The following THADA variants were observed in gnomAD, a reference collection of about 807,000 sequenced individuals.
THADA encodes the protein THADA armadillo repeat containing.
Under a neutral mutation model 219.8 loss-of-function variants are expected in THADA, and 213 were observed. The observed-to-expected ratio is 0.97, with a 90% CI of 0.87 to 1.09. The LOEUF is 1.09. THADA is among the 50% of genes least tolerant of loss of function. THADA has a pLI of 0.00. For missense variants in THADA, 2,956 were observed against 2,311.3 expected, an observed-to-expected ratio of 1.28 and a Z score of -5.72; for synonymous variants, 1,018 against 828.9, an observed-to-expected ratio of 1.23 and a Z score of -3.92.
chr2:43,446,477 A>G (rs1161617937), intron 26 of THADA, among the ~76,000 whole-genome samples: 1 of 152,214 alleles, frequency 6.6e-6, no homozygotes, highest in African/African-American at 2.4e-5. Flanking sequence ...TTTGGCCCCC[A>G]GTCATTTATG....
intron 29 of THADA, among the ~76,000 whole-genome samples, chr2:43,388,605 A>G (rs573767178): frequency 1.3e-5 from 2 of 152,350 alleles, no homozygotes; most frequent in African/African-American, 4.8e-5. Flanking sequence ...AAAACAAAAC[A>G]GGTGCAAGGA....
At chr2:43,503,852 G>A (rs1350069426) in intron 24 of THADA, among the ~76,000 whole-genome samples, 1 of 151,972 alleles carries the variant, frequency 6.6e-6, no homozygotes, top group East Asian at 1.9e-4. Flanking sequence ...TAATTATCCA[G>A]CACTCGTTAA....
At chr2:43,382,902 C>CA (rs1558670238) in intron 29 of THADA, among the ~76,000 whole-genome samples, 1 of 152,076 alleles carries the variant, frequency 6.6e-6, no homozygotes, top group African/African-American at 2.4e-5. Flanking sequence ...AAAATGGCCT[C>CA]AAAAAATTCT....
intron 28 of THADA, among the ~76,000 whole-genome samples, chr2:43,425,368 A>C (rs1334164916): frequency 1.3e-5 from 2 of 152,002 alleles, no homozygotes; most frequent in African/African-American, 2.4e-5. Context: ...TCCTGGGTCA[A>C]AATCTACTTC....
intron 36 of THADA, among the ~76,000 whole-genome samples, chr2:43,238,962 C>T (rs1184797140): frequency 6.6e-6 from 1 of 151,854 alleles, no homozygotes; most frequent in African/African-American, 2.4e-5. Context: ...TTCCTCCCAC[C>T]GGCTACACTG....
chr2:43,439,665 C>A (rs1014548934), intron 26 of THADA, among the ~76,000 whole-genome samples: 2 of 152,130 alleles, frequency 1.3e-5, no homozygotes, highest in South Asian at 2.1e-4. Context: ...TCTCTAATTG[C>A]ACCTAATATC....
intron 29 of THADA, among the ~76,000 whole-genome samples, chr2:43,363,421 G>A (rs891667046): frequency 6.6e-6 from 1 of 152,150 alleles, no homozygotes; most frequent in Admixed American, 6.5e-5. Context: ...ATGCATGACC[G>A]TAGTTAATCC....
rs747162658 is a variant in THADA at position 43,430,198 on chromosome 2, C to G, written c.3926+15G>C. On this transcript the variant is annotated intron_variant, in intron 27 of 37. Transcript: ENST00000405975. Reference sequence around the variant, plus strand: ...ATCCTTGAGGTCATTTTGCCCCACCCAATTCTCTTCTTACCTGTCTACTGT... The same window carrying G: ...ATCCTTGAGGTCATTTTGCCCCACCGAATTCTCTTCTTACCTGTCTACTGT... 5 of 1,411,070 alleles carry G rather than the reference C, an allele frequency of 3.5e-6. No homozygotes were observed. In the Admixed American group the frequency reaches 7.7e-5, roughly 22 times the overall value. 87.4% of individuals were successfully genotyped at this position (1,411,070 alleles called of 1,614,324 possible). A position where few individuals can be genotyped will look rare whatever the true frequency, so the allele number is the denominator to read the frequency against.
At position 43,293,090 on chromosome 2, in the gene THADA, C is replaced by A. The variant is rs775391450; in HGVS notation, c.4562G>T (p.Arg1521Ile). 1 of 1,613,984 alleles carries A rather than the reference C, an allele frequency of 6.2e-7. No homozygotes were observed. The highest frequency in any genetic ancestry group is 1.7e-5 in the Admixed American group (1 of 60,014). Reference protein sequence around the residue: ...GLPQYLQSLTRLAIAAVWAAA... With the variant: ...GLPQYLQSLTILAIAAVWAAA... ...GGCCCACACTGCAGCAATGGCTAGT[C>A]TGGTGAGGCTCTGGAGGTACTGGGG... is the stretch of plus-strand genomic sequence containing the variant. Residue 1521 changes from arginine to isoleucine, a missense_variant, in exon 32 of 38, where the codon AGA becomes ATA. By Grantham distance (97) the Arg-to-Ile change is moderately conservative (BLOSUM62 -3). Coordinates refer to ENST00000405975, the MANE Select transcript of THADA (RefSeq NM_022065.5).
At position 43,320,489 on chromosome 2, in the gene THADA, T is replaced by C. The variant is rs752113084; in HGVS notation, c.4395A>G (p.Leu1465=). 54 of 1,613,628 alleles carry C rather than the reference T, an allele frequency of 3.3e-5. No homozygotes were observed. The highest frequency in any genetic ancestry group is 4.5e-5 in the East Asian group (2 of 44,894). ...TRAVYIDILF[L]LTCCLNRSAK... ...CAGATCTGTTGAGGCAGCAAGTCAA[T>C]AGGAAGAGAATATCAATATATACAG... The change falls in exon 31 of 38, where the codon CTA becomes CTG. Residue 1465 remains leucine, a synonymous_variant. Coordinates refer to ENST00000405975, the MANE Select transcript of THADA (RefSeq NM_022065.5).
intron 36 of THADA, among the ~76,000 whole-genome samples, chr2:43,248,478 C>T (rs751585675): frequency 2.6e-5 from 4 of 152,016 alleles, no homozygotes; most frequent in Non-Finnish European, 4.4e-5. Flanking sequence ...GAGATCTGCC[C>T]GCCTTAGCCT....
intron 29 of THADA, among the ~76,000 whole-genome samples, chr2:43,387,927 C>G (rs1259069135): frequency 6.6e-6 from 1 of 152,202 alleles, no homozygotes; most frequent in Non-Finnish European, 1.5e-5. Flanking sequence ...TTAAACTTTC[C>G]TTTAAGCCTG....
intron 29 of THADA, among the ~76,000 whole-genome samples, chr2:43,361,462 T>C (rs1669515004): frequency 6.6e-6 from 1 of 152,252 alleles, no homozygotes; most frequent in Non-Finnish European, 1.5e-5. Flanking sequence ...CTCTCAGTGC[T>C]GATGTGAAAA....
intron 36 of THADA, among the ~76,000 whole-genome samples, chr2:43,250,947 T>G (rs1393232652): frequency 1.3e-5 from 2 of 150,270 alleles, no homozygotes; most frequent in Middle Eastern, 3.2e-3. Context: ...AGAAGGGAGG[T>G]GAGGGGTGGA....
At chr2:43,411,371 T>TGACAGC (rs1020198339) in intron 28 of THADA, among the ~76,000 whole-genome samples, 2 of 152,208 alleles carry the variant, frequency 1.3e-5, no homozygotes, top group African/African-American at 4.8e-5. Context: ...TAAGGACACT[T>TGACAGC]GACAGCTCCA....
intron 36 of THADA, among the ~76,000 whole-genome samples, chr2:43,272,796 T>C (rs1185385902): frequency 6.6e-6 from 1 of 151,896 alleles, no homozygotes; most frequent in Non-Finnish European, 1.5e-5. Context: ...GGCTAATTTT[T>C]AAATTTTTTT....
intron 25 of THADA, among the ~76,000 whole-genome samples, chr2:43,494,159 C>A (rs1315014773): frequency 6.6e-6 from 1 of 152,146 alleles, no homozygotes; most frequent in African/African-American, 2.4e-5. Flanking sequence ...TGTGGTAATG[C>A]CCCAAGGATG....
chr2:43,303,024 T>C (rs984673182), intron 31 of THADA, among the ~76,000 whole-genome samples: 7 of 152,156 alleles, frequency 4.6e-5, no homozygotes, highest in Non-Finnish European at 1.0e-4. Context: ...CATGGGCTGG[T>C]GAAATCACCA....
At chr2:43,527,004 G>T (rs1019107209) in intron 22 of THADA, among the ~76,000 whole-genome samples, 12 of 151,998 alleles carry the variant, frequency 7.9e-5, no homozygotes, top group African/African-American at 2.9e-4. Context: ...TTAATGTCAG[G>T]GACTTTTTAA....
Sources: gnomAD v4.1 joint callset for allele counts (sites outside exome capture counted in the v4.1 genomes callset) on GRCh38, gnomAD v4.1.1 for gene constraint, MANE v1.5 for transcripts, NCBI Gene and HGNC (gene_info 2026-07-23, HGNC 2026-07-21) for gene names.